The following FCRL4 variants were observed in gnomAD, a reference collection of about 807,000 sequenced individuals.
FCRL4 encodes Fc receptor-like protein 4.
FCRL4 carries 43 observed loss-of-function variants against 64.1 expected under a neutral mutation model. That is an observed-to-expected ratio of 0.67 (90% CI 0.53 to 0.87). FCRL4 has a LOEUF of 0.87. Among genes scored for constraint, FCRL4 ranks in the 40% least tolerant of loss-of-function variants. The pLI, the probability that FCRL4 is intolerant of heterozygous loss-of-function variation, is 0.00. For synonymous variants in FCRL4, 253 were observed against 239.8 expected, an observed-to-expected ratio of 1.05 and a Z score of -0.51; for missense variants, 656 against 613.5, an observed-to-expected ratio of 1.07 and a Z score of -0.73.
intron 2 of FCRL4, among the ~76,000 whole-genome samples, chr1:157,593,481 G>A (rs1022948625): frequency 2.0e-5 from 3 of 152,176 alleles, no homozygotes; most frequent in Non-Finnish European, 4.4e-5. Context: ...CCAGGATAAA[G>A]TTAAGATGAA....
intron 2 of FCRL4, among the ~76,000 whole-genome samples, chr1:157,594,875 GA>G (rs1377869064): frequency 6.6e-6 from 1 of 152,108 alleles, no homozygotes; most frequent in African/African-American, 2.4e-5. Context: ...TTGGTAAGGT[GA>G]AACATCTCTG....
chr1:157,585,551 G>A (rs1040584012), intron 6 of FCRL4, among the ~76,000 whole-genome samples: 1 of 151,996 alleles, frequency 6.6e-6, no homozygotes, highest in African/African-American at 2.4e-5. Flanking sequence ...GCTTCTCAGC[G>A]ATGGAGGAAG....
chr1:157,583,781 A>G (rs1335388092), intron 6 of FCRL4, among the ~76,000 whole-genome samples: 1 of 152,198 alleles, frequency 6.6e-6, no homozygotes, highest in African/African-American at 2.4e-5. Flanking sequence ...CCAGTGCATG[A>G]GGCTACTGCA....
At chr1:157,575,883 C>T (rs1286052390) in intron 10 of FCRL4, among the ~76,000 whole-genome samples, 153 bp from the exon 11 acceptor site, 1 of 152,166 alleles carries the variant, frequency 6.6e-6, no homozygotes, top group Non-Finnish European at 1.5e-5. Context: ...ATACATATGA[C>T]TTTCTGTTCT....
intron 2 of FCRL4, among the ~76,000 whole-genome samples, chr1:157,593,103 G>A (rs374716759): frequency 1.3e-5 from 2 of 152,144 alleles, no homozygotes; most frequent in South Asian, 2.1e-4. Context: ...GAGGGCTGGG[G>A]GACAGATAGC....
At chr1:157,596,232 T>G (rs1652961267) in intron 2 of FCRL4, 96 bp downstream of exon 2, 1 of 1,368,638 alleles carries the variant, frequency 7.3e-7, no homozygotes, top group South Asian at 1.2e-5. Context: ...AGGAAAAGGA[T>G]GAAATGGACA....
In FCRL4 at chr1:157,581,559, C is replaced by T; in HGVS notation, c.1221G>A (p.Leu407=). The change falls in exon 7 of 12, where the codon CTG becomes CTA. Residue 407 remains leucine (L), a synonymous_variant. Coordinates refer to ENST00000271532, the MANE Select transcript of FCRL4 (RefSeq NM_031282.3). The part of the protein sequence containing the change: ...LSALLLAVAL[L]FHCWRRRKSG... Reference sequence around the variant, plus strand: ...ACTTCCTCCGACGCCAGCAGTGAAACAGCAGGGCCACAGCCAGGAGAAGAG... The same window carrying T: ...ACTTCCTCCGACGCCAGCAGTGAAATAGCAGGGCCACAGCCAGGAGAAGAG... 6.2e-7 allele frequency: 1 copy of T among 1,614,038 alleles called. No individual in the cohort carries two copies. Among genetic ancestry groups the T allele is most frequent in the Non-Finnish European group, 8.5e-7 (1 of 1,179,996 alleles).
intron 8 of FCRL4, 68 bp from the exon 9 acceptor site, chr1:157,578,920 G>A (rs1652482626): frequency 1.5e-6 from 2 of 1,295,330 alleles, no homozygotes; most frequent in Admixed American, 4.2e-5. Flanking sequence ...AGATACCCAG[G>A]GAGAGCGGCA....
rs1558152778 is a variant in FCRL4, at chr1:157,578,844, G to A, written c.1286C>T (p.Pro429Leu). ...GGAGGACTCTCCTGGGCCTGGAGCG[G>A]GAGGGAGCCTGTGAGACACAGAAAC... The part of the protein sequence containing the change: ...GFLGDETRLP[P>L]APGPGESSHS... Residue 429 changes from proline to leucine, a missense_variant, in exon 9 of 12, where the codon CCC becomes CTC. Transcript: ENST00000271532. The A allele has an allele frequency of 6.2e-7, 1 of 1,612,588 alleles. No homozygotes were observed. The highest frequency in any genetic ancestry group is 1.7e-5 in the Admixed American group (1 of 59,834).
intron 4 of FCRL4, 42 bp downstream of exon 4, chr1:157,587,823 C>T (rs1043901634): frequency 6.4e-7 from 1 of 1,555,004 alleles, no homozygotes; most frequent in African/African-American, 1.4e-5. Flanking sequence ...GTTTCCTATC[C>T]CTGTCATTAC....
At chr1:157,591,687 T>C (rs1404101689) in intron 2 of FCRL4, among the ~76,000 whole-genome samples, 1 of 152,096 alleles carries the variant, frequency 6.6e-6, no homozygotes, top group Non-Finnish European at 1.5e-5. Flanking sequence ...TACATGAAAG[T>C]AGGCCCTAAA....
Position 157,575,380 on chromosome 1 carries a change from T to C in FCRL4, c.*144A>G. 1.5e-6 allele frequency: 1 copy of C among 655,748 alleles called. No individual in the cohort carries two copies. The highest frequency in any genetic ancestry group is 1.8e-5 in the South Asian group (1 of 54,676). 40.6% of individuals were successfully genotyped at this position (655,748 alleles called of 1,614,324 possible). A position where few individuals can be genotyped will look rare whatever the true frequency, so the allele number is the denominator to read the frequency against. ...ATCAGAGTAGACGAATGAGTATTCC[T>C]GGGAGTGAATGCATATGCATGAGAA... is the stretch of plus-strand genomic sequence containing the variant. On this transcript the variant is annotated 3_prime_UTR_variant, in exon 12 of 12. Transcript: ENST00000271532.
intron 3 of FCRL4, among the ~76,000 whole-genome samples, chr1:157,588,991 G>A (rs1652772433): frequency 6.6e-6 from 1 of 152,228 alleles, no homozygotes; most frequent in African/African-American, 2.4e-5. Flanking sequence ...CTGTGTAAGT[G>A]TGTGGGGATG....
rs1553276894 is a variant in FCRL4 at position 157,585,344 on chromosome 1, C to CCCTT, written c.1135+823_1135+824insAAGG. Among the ~76,000 whole-genome samples, 7 of 81,318 alleles carry CCCTT rather than the reference C, an allele frequency of 8.6e-5. No individual in the cohort carries two copies. In the South Asian group the frequency reaches 2.1e-3, roughly 25 times the overall value. 53.3% of individuals were successfully genotyped at this position (81,318 alleles called of 152,430 possible). The stretch of plus-strand genomic sequence containing the variant: ...CTTCCTTCTCTCTTTCTTTCTCTCT[C>CCCTT]TCTTTCTTTCTTTCTTTCTTTCTTT... On this transcript the variant is annotated intron_variant, in intron 6 of 11. Coordinates refer to ENST00000271532, the MANE Select transcript of FCRL4 (RefSeq NM_031282.3).
intron 1 of FCRL4, 30 bp from the exon 2 acceptor site, chr1:157,596,378 CGTAGGCGAAGA>C (rs754643568): frequency 6.2e-7 from 1 of 1,613,694 alleles, no homozygotes; most frequent in Admixed American, 1.7e-5. Context: ...CAGCCATCAG[CGTAGGCGAAGA>C]GTCCCGAACT....
At chr1:157,585,406 C>CTTTG (rs763214738) in intron 6 of FCRL4, among the ~76,000 whole-genome samples, 53 of 115,640 alleles carry the variant, frequency 4.6e-4, no homozygotes, top group African/African-American at 1.8e-3. Flanking sequence ...TTCTTTCTTT[C>CTTTG]TTTCTTTCTT....
intron 6 of FCRL4, 98 bp from the exon 7 acceptor site, chr1:157,581,742 A>G (rs1652566993): frequency 1.1e-6 from 1 of 902,470 alleles, no homozygotes; most frequent in Non-Finnish European, 1.7e-6. Context: ...TGGAAGAGAG[A>G]AAAATCTAAA....
Position 157,587,932 on chromosome 1 carries a change from A to T in FCRL4, c.495T>A (p.Tyr165Ter). The T allele has an allele frequency of 6.2e-7, 1 of 1,612,464 alleles. No homozygotes were observed. The highest frequency in any genetic ancestry group is 8.5e-7 in the Non-Finnish European group (1 of 1,178,868). Residue 165 changes from tyrosine to a stop codon, truncating the protein, a stop_gained, in exon 4 of 12, where the codon TAT becomes TAA. Transcript: ENST00000271532. LOFTEE classifies it high-confidence loss of function. ...TCTCGTCTCCATATCCAATGCATCG[A>T]TAATTGCCATTGTTATTTGAACTTG... ...PQASSNNNGN[Y>*]RCIGYGDEND...
At chr1:157,590,990 G>C (rs765991065) in intron 2 of FCRL4, among the ~76,000 whole-genome samples, 38 of 152,314 alleles carry the variant, frequency 2.5e-4, no homozygotes, top group Non-Finnish European at 4.9e-4. Flanking sequence ...GAATTACAGA[G>C]TGGTTCCCCA....
Sources: gnomAD v4.1 joint callset for allele counts (sites outside exome capture counted in the v4.1 genomes callset) on GRCh38, gnomAD v4.1.1 for gene constraint, MANE v1.5 for transcripts, NCBI Gene and HGNC (gene_info 2026-07-23, HGNC 2026-07-21) for gene names.